STC1: variants seen among roughly 807,000 people sequenced by gnomAD.
The protein encoded by STC1 is stanniocalcin-1.
A neutral mutation model predicts 22.6 loss-of-function variants in STC1; 7 were observed. The observed-to-expected ratio is 0.31, with a 90% CI of 0.18 to 0.58. The LOEUF is 0.58. STC1 is among the 20% of genes least tolerant of loss of function. The pLI is 0.89. For synonymous variants in STC1, 113 were observed against 120.7 expected (o/e 0.94, Z 0.42); for missense variants, 224 against 311.0 (o/e 0.72, Z 2.10).
At chr8:23,851,125 G>A (rs944452757) in intron 3 of STC1, among the ~76,000 whole-genome samples, 195 bp downstream of exon 3, 2 of 151,760 alleles carry the variant, frequency 1.3e-5, no homozygotes, top group Admixed American at 6.6e-5. Context: ...TATAACAGTA[G>A]GGAAAAAAAA....
At position 23,843,247 on chromosome 8, in the gene STC1, G is replaced by A. The variant is rs1342132750; in HGVS notation, c.*1523C>T. ...GTTTGACTTTGGTGGTCGCCATCTT[G>A]TAAACATCATGGCAGAAATGATCAA... On this transcript the variant is annotated 3_prime_UTR_variant, in exon 4 of 4. Transcript: ENST00000290271. The A allele has an allele frequency of 6.6e-6, 1 of 152,396 alleles. No homozygotes were observed. The highest frequency in any genetic ancestry group is 1.5e-5 in the Non-Finnish European group (1 of 67,996). 9.4% of individuals were successfully genotyped at this position (152,396 alleles called of 1,614,324 possible).
In STC1 at chr8:23,854,701, C is replaced by T. The variant is rs1802678890; in HGVS notation, c.-178G>A. 1.4e-6 allele frequency: 1 copy of T among 708,056 alleles called. No individual in the cohort carries two copies. The highest frequency in any genetic ancestry group is 1.5e-5 in the South Asian group (1 of 68,006). 43.9% of individuals were successfully genotyped at this position (708,056 alleles called of 1,614,324 possible). A position where few individuals can be genotyped will look rare whatever the true frequency, so the allele number is the denominator to read the frequency against. ...GGTGATGCTGCTGCTGCCACCGGTG[C>T]CTCCGCTGCTGCTGCTGCTGCCGCC... On this transcript the variant is annotated 5_prime_UTR_variant, in exon 1 of 4. Coordinates refer to ENST00000290271, the MANE Select transcript of STC1 (RefSeq NM_003155.3).
chr8:23,854,249 A>G, intron 1 of STC1, 157 bp downstream of exon 1: 1 of 924,108 alleles, frequency 1.1e-6, no homozygotes, highest in African/African-American at 1.7e-5. Flanking sequence ...AAGGAGCTCC[A>G]CTGCCTAAGG....
chr8:23,848,311 C>T (rs537344078), intron 3 of STC1, among the ~76,000 whole-genome samples: 40 of 152,076 alleles, frequency 2.6e-4, no homozygotes, highest in Admixed American at 1.3e-3. Context: ...ATGGGTGGAT[C>T]ACCTGAGGTC....
In STC1 at chr8:23,844,006, T is replaced by C. The variant is rs1396226167; in HGVS notation, c.*764A>G. 3 of 152,702 alleles carry C rather than the reference T, an allele frequency of 2.0e-5. No individual in the cohort carries two copies. The highest frequency in any genetic ancestry group is 2.0e-4 in the Admixed American group (3 of 15,286). 9.5% of individuals were successfully genotyped at this position (152,702 alleles called of 1,614,324 possible). On this transcript the variant is annotated 3_prime_UTR_variant, in exon 4 of 4. Transcript: ENST00000290271. The stretch of plus-strand genomic sequence containing the variant: ...TTTAAGCAGAGTCCTCTGGAATTTA[T>C]GTACAGTACATTAGTTTTCAGCTAT...
chr8:23,854,784 T>A lies in STC1; in HGVS notation c.-261A>T. 1 of 571,164 alleles carries A rather than the reference T, an allele frequency of 1.8e-6. No homozygotes were observed. The allele number at this position is 571,164 out of a possible 1,614,324, so 35.4% of individuals were successfully genotyped here. ...TGCTGCTGCTGCAGTCGCTGCTTCT[T>A]GCACCTCTGGCTTTTGCAAACTGGG... On this transcript the variant is annotated 5_prime_UTR_variant, in exon 1 of 4. Transcript: ENST00000290271.
intron 1 of STC1, chr8:23,854,107 C>T (rs1585308975): frequency 1.2e-5 from 14 of 1,213,502 alleles, no homozygotes; most frequent in Non-Finnish European, 1.4e-5. Flanking sequence ...TCAAGCCTTT[C>T]CTCCCCTCTC....
At chr8:23,847,789 G>T (rs544991236) in intron 3 of STC1, among the ~76,000 whole-genome samples, 2 of 152,362 alleles carry the variant, frequency 1.3e-5, no homozygotes, top group South Asian at 4.1e-4. Context: ...TTGTGCTATG[G>T]TCTTATAGTT....
intron 3 of STC1, among the ~76,000 whole-genome samples, chr8:23,845,703 C>T (rs1049397448): frequency 6.6e-6 from 1 of 152,136 alleles, no homozygotes; most frequent in Non-Finnish European, 1.5e-5. Flanking sequence ...TATTGACTGA[C>T]TCCATCTTCA....
rs750830251 is a variant in STC1 at position 23,854,571 on chromosome 8, C to A, written c.-48G>T. 1.4e-5 allele frequency: 20 copies of A among 1,444,962 alleles called. No homozygotes were observed. Among genetic ancestry groups the A allele is most frequent in the Non-Finnish European group, 1.8e-5 (18 of 1,026,752 alleles). 89.5% of individuals were successfully genotyped at this position (1,444,962 alleles called of 1,614,324 possible). On this transcript the variant is annotated 5_prime_UTR_variant, in exon 1 of 4. Transcript: ENST00000290271. ...TTGTTGGGTTTTTTTTTTTTCCTGC[C>A]CCCCTTTCCTCTTTCCCTCTCCTGG...
At position 23,854,578 on chromosome 8, in the gene STC1, T is replaced by G; in HGVS notation, c.-55A>C. Reference sequence around the variant, plus strand: ...GTTTTTTTTTTTTCCTGCCCCCCTTTCCTCTTTCCCTCTCCTGGCTTGAGT... The same window carrying G: ...GTTTTTTTTTTTTCCTGCCCCCCTTGCCTCTTTCCCTCTCCTGGCTTGAGT... On this transcript the variant is annotated 5_prime_UTR_variant, in exon 1 of 4. Coordinates refer to ENST00000290271, the MANE Select transcript of STC1 (RefSeq NM_003155.3). The G allele has an allele frequency of 7.1e-7, 1 of 1,409,924 alleles. No individual in the cohort carries two copies. The highest frequency in any genetic ancestry group is 2.3e-5 in the East Asian group (1 of 43,850). 87.3% of individuals were successfully genotyped at this position (1,409,924 alleles called of 1,614,324 possible).
chr8:23,851,585 A>T, intron 2 of STC1, 54 bp from the exon 3 acceptor site: 1 of 1,554,128 alleles, frequency 6.4e-7, no homozygotes, highest in South Asian at 1.1e-5. Context: ...GACAAAGAGG[A>T]TGGGCATATA....
At position 23,854,720 on chromosome 8, in the gene STC1, T is replaced by TGCC. The variant is rs965931637; in HGVS notation, c.-200_-198dup. On this transcript the variant is annotated 5_prime_UTR_variant, in exon 1 of 4. Coordinates refer to ENST00000290271, the MANE Select transcript of STC1 (RefSeq NM_003155.3). ...CCGGTGCCTCCGCTGCTGCTGCTGC[T>TGCC]GCCGCCGCTGCTGCTGCTGCTGCCA... 1.1e-5 allele frequency: 7 copies of TGCC among 662,836 alleles called. No individual in the cohort carries two copies. Among genetic ancestry groups the TGCC allele is most frequent in the East Asian group, 5.7e-5 (2 of 34,824 alleles). The allele number at this position is 662,836 out of a possible 1,614,324, so 41.1% of individuals were successfully genotyped here.
At chr8:23,849,510 A>G (rs1338601272) in intron 3 of STC1, among the ~76,000 whole-genome samples, 2 of 152,170 alleles carry the variant, frequency 1.3e-5, no homozygotes, top group African/African-American at 4.8e-5. Context: ...TGTTGAAAAT[A>G]AGGCACTGAT....
Position 23,843,628 on chromosome 8 carries a change from G to A in STC1, c.*1142C>T, listed in dbSNP as rs898835080. 6.6e-6 allele frequency: 1 copy of A among 152,656 alleles called. No individual in the cohort carries two copies. The highest frequency in any genetic ancestry group is 1.5e-5 in the Non-Finnish European group (1 of 68,064). 9.5% of individuals were successfully genotyped at this position (152,656 alleles called of 1,614,324 possible). A position where few individuals can be genotyped will look rare whatever the true frequency, so the allele number is the denominator to read the frequency against. ...CCTTATCACACTGTAAGTGGTCCAA[G>A]CCCATAGGGATGCTCTTTTTGGTTC... is the stretch of plus-strand genomic sequence containing the variant. On this transcript the variant is annotated 3_prime_UTR_variant, in exon 4 of 4. Transcript: ENST00000290271.
At position 23,843,567 on chromosome 8, in the gene STC1, C is replaced by A. The variant is rs532675169; in HGVS notation, c.*1203G>T. 6.6e-6 allele frequency: 1 copy of A among 152,598 alleles called. No individual in the cohort carries two copies. The highest frequency in any genetic ancestry group is 1.5e-5 in the Non-Finnish European group (1 of 68,040). 9.5% of individuals were successfully genotyped at this position (152,598 alleles called of 1,614,324 possible). A position where few individuals can be genotyped will look rare whatever the true frequency, so the allele number is the denominator to read the frequency against. On this transcript the variant is annotated 3_prime_UTR_variant, in exon 4 of 4. Transcript: ENST00000290271. ...AGTACCAGGCACCGATGAAAGGGGA[C>A]GAGTAAAGAACTGCCACTTCCTAAT...
rs775309709 is a variant in STC1, at chr8:23,852,380, T to A, written c.123A>T (p.Glu41Asp). ...GAGCACTGTTGAGGCAACGAACCAC[T>A]TCAGCTGAAAGAGACAAATCCATCC... is the stretch of plus-strand genomic sequence containing the variant. ...KSRVAAQNSA[E>D]VVRCLNSALQ... The change falls in exon 2 of 4, where the codon GAA becomes GAT. Residue 41 changes from glutamate (E) to aspartate (D), a missense_variant. Physicochemically the swap from Glu to Asp is conservative, Grantham distance 45. Transcript: ENST00000290271. 1.3e-6 allele frequency: 2 copies of A among 1,595,310 alleles called. No homozygotes were observed. Among genetic ancestry groups the A allele is most frequent in the South Asian group, 2.3e-5 (2 of 87,286 alleles).
At chr8:23,847,736 A>G (rs1802589230) in intron 3 of STC1, among the ~76,000 whole-genome samples, 1 of 152,206 alleles carries the variant, frequency 6.6e-6, no homozygotes. Context: ...TGTCTCCAGC[A>G]AGAGTTGACT....
Position 23,844,674 on chromosome 8 carries a change from A to G in STC1, c.*96T>C. 7.0e-7 allele frequency: 1 copy of G among 1,427,020 alleles called. No homozygotes were observed. The highest frequency in any genetic ancestry group is 1.4e-5 in the South Asian group (1 of 72,886). 88.4% of individuals were successfully genotyped at this position (1,427,020 alleles called of 1,614,324 possible). ...GGGGATAGAAAATAGGAACTACTTT[A>G]AAAAAATCAAACCAGGCACAGTACA... On this transcript the variant is annotated 3_prime_UTR_variant, in exon 4 of 4. Coordinates refer to ENST00000290271, the MANE Select transcript of STC1 (RefSeq NM_003155.3).
Sources: allele counts gnomAD v4.1 joint callset (sites outside exome capture counted in the v4.1 genomes callset), GRCh38; gene constraint gnomAD v4.1.1; transcripts MANE v1.5; gene names NCBI Gene and HGNC (gene_info 2026-07-23, HGNC 2026-07-21).